PCDHGA3: variants seen among roughly 807,000 people sequenced by gnomAD.
PCDHGA3 encodes the protein protocadherin gamma subfamily A, 3.
A neutral mutation model predicts 58.5 loss-of-function variants in PCDHGA3; 40 were observed. The ratio of observed to expected loss-of-function variants is 0.68; its 90% CI spans 0.53 to 0.89. The LOEUF is 0.89. PCDHGA3 is among the 40% of genes least tolerant of loss of function. The pLI is 0.00. For synonymous variants in PCDHGA3, 530 were observed against 525.7 expected (o/e 1.01, Z -0.11); for missense variants, 1,223 against 1,195.9 (o/e 1.02, Z -0.33).
In PCDHGA3 at chr5:141,472,816, G is replaced by A. The variant is rs1186234004; in HGVS notation, c.2425-21991G>A. On this transcript the variant is annotated intron_variant, in intron 1 of 3. Transcript: ENST00000253812. ...GCCTGACCAACATGGAGAAACCCCC[G>A]TCTCTACTAAAAATAGAAAATTAGC... 4.6e-5 allele frequency among the ~76,000 whole-genome samples: 7 copies of A among 151,374 alleles called. No individual in the cohort carries two copies. In the South Asian group the frequency reaches 6.2e-4, roughly 14 times the overall value.
chr5:141,369,438 G>A (rs1766245729), intron 1 of PCDHGA3, among the ~76,000 whole-genome samples: 3 of 152,098 alleles, frequency 2.0e-5, no homozygotes, highest in African/African-American at 7.2e-5. Flanking sequence ...ACGCTGAGGT[G>A]GGAGGATTGC....
chr5:141,490,933 C>T lies in PCDHGA3; in HGVS notation c.2425-3874C>T, dbSNP rs781291690. ...CGAGAATGATAATGCCCCAGCTGTG[C>T]TGCACCCACGGCCAGACTGGGAACA... On this transcript the variant is annotated intron_variant, in intron 1 of 3. Transcript: ENST00000253812. The surrounding 1 kb of genome is among the most constrained non-coding windows in gnomAD (Gnocchi z 5.4). 5.0e-6 allele frequency: 8 copies of T among 1,613,702 alleles called. No individual in the cohort carries two copies. The highest frequency in any genetic ancestry group is 5.9e-6 in the Non-Finnish European group (7 of 1,179,770).
chr5:141,455,006 G>A (rs1194194759), intron 1 of PCDHGA3, among the ~76,000 whole-genome samples: 2 of 150,910 alleles, frequency 1.3e-5, no homozygotes, highest in Non-Finnish European at 3.0e-5. Flanking sequence ...TAGAGACGGG[G>A]TTTCACCGTG....
At position 141,344,221 on chromosome 5, in the gene PCDHGA3, G is replaced by C. The variant is rs764591412; in HGVS notation, c.188G>C (p.Gly63Ala). The change falls in exon 1 of 4, where the codon GGA (glycine) becomes GCA (alanine). Residue 63 changes from glycine to alanine, a missense_variant. Gly to Ala is a moderately conservative substitution (Grantham distance 60, BLOSUM62 0). Coordinates refer to ENST00000253812, the MANE Select transcript of PCDHGA3 (RefSeq NM_018916.4). ...GLEPRELAERGVRIVSRGRTQ... is the reference protein window; with the variant it reads ...GLEPRELAERAVRIVSRGRTQ... ...GAGCCCCGGGAGCTGGCGGAGCGCG[G>C]AGTCCGCATCGTCTCCAGAGGTAGG... The C allele has an allele frequency of 6.2e-6, 10 of 1,614,072 alleles. No individual in the cohort carries two copies. The highest frequency in any genetic ancestry group is 1.7e-4 in the Middle Eastern group (1 of 6,052).
intron 1 of PCDHGA3, chr5:141,375,763 C>G: frequency 6.2e-7 from 1 of 1,614,242 alleles, no homozygotes; most frequent in South Asian, 1.1e-5. Context: ...ACAATGCGCC[C>G]GAGATCCTGT....
chr5:141,413,835 CG>C, intron 1 of PCDHGA3: 2 of 1,613,258 alleles, frequency 1.2e-6, no homozygotes, highest in South Asian at 1.1e-5. Context: ...CCGCCTCCGA[CG>C]GGGGTGACCC....
chr5:141,367,972 C>T (rs1765427011), intron 1 of PCDHGA3, among the ~76,000 whole-genome samples: 1 of 152,084 alleles, frequency 6.6e-6, no homozygotes, highest in Non-Finnish European at 1.5e-5. Context: ...CGTATGTGCT[C>T]ATCTTAAATT....
intron 1 of PCDHGA3, chr5:141,394,181 C>T (rs1232533966): frequency 1.2e-6 from 2 of 1,613,928 alleles, no homozygotes; most frequent in East Asian, 4.5e-5. Flanking sequence ...CTCATGCCTC[C>T]TACTCAGCGT....
chr5:141,484,960 C>A, intron 1 of PCDHGA3: 1 of 577,142 alleles, frequency 1.7e-6, no homozygotes, highest in Non-Finnish European at 3.1e-6. Flanking sequence ...TTGGCTGAGC[C>A]CGGGAGCCGC....
intron 1 of PCDHGA3, chr5:141,372,255 C>CTGCGCACGGGTGAGG: frequency 1.2e-6 from 2 of 1,613,136 alleles, no homozygotes; most frequent in East Asian, 2.2e-5. Flanking sequence ...CAGCCTGGGC[C>CTGCGCACGGGTGAGG]TGCGCACGGG....
intron 1 of PCDHGA3, chr5:141,404,969 G>T (rs2094589920): frequency 6.2e-7 from 1 of 1,613,964 alleles, no homozygotes; most frequent in East Asian, 2.2e-5. Context: ...AGACATCCTG[G>T]CTGACCTGGG....
chr5:141,371,006 G>T, intron 1 of PCDHGA3: 1 of 1,613,750 alleles, frequency 6.2e-7, no homozygotes, highest in Non-Finnish European at 8.5e-7. Context: ...ACAGGGAAGA[G>T]CAGCCACATC....
intron 1 of PCDHGA3, chr5:141,441,550 G>C (rs2098254247): frequency 5.4e-6 from 1 of 184,034 alleles, no homozygotes; most frequent in Non-Finnish European, 1.1e-5. Context: ...AGCCTCCATA[G>C]TGTGCAAGTA....
At chr5:141,415,285 G>A (rs1561755891) in intron 1 of PCDHGA3, 3 of 1,614,216 alleles carry the variant, frequency 1.9e-6, no homozygotes, top group Non-Finnish European at 2.5e-6. Context: ...GGTGGCCGCG[G>A]TCTCCTGCGT....
intron 1 of PCDHGA3, chr5:141,388,657 G>T (rs769160604): frequency 6.8e-6 from 11 of 1,613,878 alleles, no homozygotes; most frequent in Admixed American, 1.7e-5. Context: ...GTGTACCCGG[G>T]GACCACGGTG....
intron 1 of PCDHGA3, chr5:141,372,531 C>G (rs767186429): frequency 6.2e-7 from 1 of 1,614,032 alleles, no homozygotes; most frequent in Admixed American, 1.7e-5. Context: ...GGCAATCTCC[C>G]TGCGCCTGCG....
chr5:141,435,066 G>A (rs936110088), intron 1 of PCDHGA3, among the ~76,000 whole-genome samples: 3 of 151,920 alleles, frequency 2.0e-5, no homozygotes, highest in African/African-American at 7.3e-5. Context: ...GCAGTTTTGT[G>A]TAGACCGTCT....
chr5:141,441,631 C>A, intron 1 of PCDHGA3: 2 of 226,308 alleles, frequency 8.8e-6, no homozygotes, highest in Non-Finnish European at 1.8e-5. Context: ...GACCTGGAGC[C>A]ACAGGCGCTG....
Position 141,423,752 on chromosome 5 carries a change from G to A in PCDHGA3, c.2425-71055G>A, listed in dbSNP as rs749899386. 4.7e-6 allele frequency: 3 copies of A among 644,956 alleles called. 1 individual carries two copies. The highest frequency in any genetic ancestry group is 1.1e-4 in the South Asian group (2 of 17,914). 40.0% of individuals were successfully genotyped at this position (644,956 alleles called of 1,614,324 possible). ...TTGAGCCTGTTATGAAAACTGTTTGGGGGGGGGGTGGGGCGGCATATATTT... is the reference window on the plus strand; with the variant it reads ...TTGAGCCTGTTATGAAAACTGTTTGAGGGGGGGGTGGGGCGGCATATATTT... On this transcript the variant is annotated intron_variant, in intron 1 of 3. Transcript: ENST00000253812.
Sources: allele counts gnomAD v4.1 joint callset (sites outside exome capture counted in the v4.1 genomes callset), GRCh38; gene constraint gnomAD v4.1.1; non-coding constraint Gnocchi (gnomAD v3.1); transcripts MANE v1.5; gene names NCBI Gene and HGNC (gene_info 2026-07-23, HGNC 2026-07-21).